The following FARS2 variants were observed in gnomAD, a reference collection of about 807,000 sequenced individuals.
The protein encoded by FARS2 is phenylalanyl-tRNA synthetase 2, mitochondrial, also known as phenylalanine--tRNA ligase, mitochondrial.
Under a neutral mutation model 46.4 loss-of-function variants are expected in FARS2, and 40 were observed. The observed-to-expected ratio is 0.86, with a 90% CI of 0.67 to 1.12. FARS2 has a LOEUF of 1.12. FARS2 is among the 50% of genes most tolerant of loss of function. FARS2 has a pLI of 0.00. For missense variants in FARS2, 513 were observed against 567.9 expected (o/e 0.90, Z 0.98); for synonymous variants, 234 against 214.9 (o/e 1.09, Z -0.78).
At chr6:5,462,952 CT>C (rs1212339321) in intron 4 of FARS2, among the ~76,000 whole-genome samples, 1 of 152,142 alleles carries the variant, frequency 6.6e-6, no homozygotes, top group Non-Finnish European at 1.5e-5. Flanking sequence ...GCTTGGCAAA[CT>C]TTTTTCTGAA....
intron 4 of FARS2, among the ~76,000 whole-genome samples, chr6:5,504,982 A>G (rs200983886): frequency 6.6e-6 from 1 of 152,146 alleles, no homozygotes; most frequent in East Asian, 1.9e-4. Context: ...CGTTTTTTAA[A>G]GAAAGATTTT....
chr6:5,465,948 G>A (rs1347932187), intron 4 of FARS2, among the ~76,000 whole-genome samples: 1 of 152,024 alleles, frequency 6.6e-6, no homozygotes, highest in Non-Finnish European at 1.5e-5. Flanking sequence ...TCCACTGTAG[G>A]AGAATCAATT....
chr6:5,397,380 G>A (rs1581984665), intron 2 of FARS2, among the ~76,000 whole-genome samples: 1 of 152,146 alleles, frequency 6.6e-6, no homozygotes, highest in African/African-American at 2.4e-5. Flanking sequence ...ATGTATGTTC[G>A]ACATTTGTTT....
the FARS2 span, among the ~76,000 whole-genome samples, chr6:5,251,023 G>T: frequency 1.3e-5 from 2 of 152,180 alleles, no homozygotes; most frequent in African/African-American, 2.4e-5. Flanking sequence ...CACTGTTCGG[G>T]CACTATTTCA....
At chr6:5,614,409 G>GTTTTT (rs1775352692) in intron 6 of FARS2, among the ~76,000 whole-genome samples, 1 of 143,056 alleles carries the variant, frequency 7.0e-6, no homozygotes, top group African/African-American at 2.7e-5. Context: ...TTCCTTCTTT[G>GTTTTT]TCTTTTTTTT....
rs1209829674 is a variant in FARS2 at position 5,315,023 on chromosome 6, AG to A, written c.-22+53365del. Among the ~76,000 whole-genome samples, 3 of 152,314 alleles carry A rather than the reference AG, an allele frequency of 2.0e-5. No individual in the cohort carries two copies. In the East Asian group the frequency reaches 5.8e-4, roughly 29 times the overall value. On this transcript the variant is annotated intron_variant, in intron 1 of 6. Transcript: ENST00000274680. The stretch of plus-strand genomic sequence containing the variant: ...TACAAAGCACGCACATTCTGGGTAG[AG>A]GTAATTAGTGGTTGATGATTTTGGT...
At chr6:5,333,817 T>G (rs1770965351) in intron 1 of FARS2, among the ~76,000 whole-genome samples, 2 of 152,292 alleles carry the variant, frequency 1.3e-5, no homozygotes, top group African/African-American at 4.8e-5. Context: ...AGCTCTGCCG[T>G]TGTGCACTTT....
intron 2 of FARS2, among the ~76,000 whole-genome samples, chr6:5,402,669 T>C (rs1761329751): frequency 6.6e-6 from 1 of 152,164 alleles, no homozygotes; most frequent in Non-Finnish European, 1.5e-5. Context: ...CCTTGAATTT[T>C]CTCATTTGCA....
chr6:5,739,796 G>A (rs1761210894), intron 6 of FARS2, among the ~76,000 whole-genome samples: 1 of 152,166 alleles, frequency 6.6e-6, no homozygotes, highest in Non-Finnish European at 1.5e-5. Context: ...GCCGCCACAA[G>A]GTCACACAGC....
chr6:5,312,530 G>A (rs1769151150), intron 1 of FARS2, among the ~76,000 whole-genome samples: 1 of 152,196 alleles, frequency 6.6e-6, no homozygotes. Context: ...AAACTTCAAA[G>A]ATTTAACTCA....
intron 1 of FARS2, among the ~76,000 whole-genome samples, chr6:5,271,327 C>T (rs1290011043): frequency 1.3e-5 from 2 of 152,144 alleles, no homozygotes; most frequent in African/African-American, 2.4e-5. Context: ...CCGTTCATGT[C>T]ACTGGCCCTC....
At chr6:5,338,858 G>T in intron 1 of FARS2, among the ~76,000 whole-genome samples, 1 of 152,066 alleles carries the variant, frequency 6.6e-6, no homozygotes, top group African/African-American at 2.4e-5. Flanking sequence ...GGAACATGCA[G>T]TTTTCTTGCG....
intron 5 of FARS2, among the ~76,000 whole-genome samples, chr6:5,562,409 T>G (rs1772038600): frequency 6.6e-6 from 1 of 152,172 alleles, no homozygotes; most frequent in Non-Finnish European, 1.5e-5. Flanking sequence ...ATCTCTTCTT[T>G]CTGTGGCTTC....
At chr6:5,325,717 A>AT (rs1421017094) in intron 1 of FARS2, among the ~76,000 whole-genome samples, 1 of 152,124 alleles carries the variant, frequency 6.6e-6, no homozygotes, top group Non-Finnish European at 1.5e-5. Context: ...ATTTTAAATG[A>AT]TTTTTTTCTA....
At position 5,545,259 on chromosome 6, in the gene FARS2, T is replaced by C. The variant is rs201390927; in HGVS notation, c.984T>C (p.Asp328=). The C allele has an allele frequency of 8.1e-6, 13 of 1,614,112 alleles. No individual in the cohort carries two copies. The African/African-American group carries it at 1.5e-4, about 18-fold the overall frequency. Residue 328 remains aspartate (D), a synonymous_variant, in exon 5 of 7, where the codon GAT becomes GAC. Coordinates refer to ENST00000274680, the MANE Select transcript of FARS2 (RefSeq NM_006567.5). ...CCATGATCCTCTACGACATCCCTGA[T>C]ATCCGTCTCTTCTGGTGTGAGGACG... ...RLAMILYDIP[D]IRLFWCEDER... is the part of the protein sequence containing the mutation.
intron 1 of FARS2, among the ~76,000 whole-genome samples, chr6:5,324,927 A>G (rs953280861): frequency 1.3e-5 from 2 of 152,076 alleles, no homozygotes; most frequent in South Asian, 2.1e-4. Context: ...GTTGAGAGAC[A>G]TGCCATCCCT....
intron 1 of FARS2, among the ~76,000 whole-genome samples, chr6:5,324,784 T>A (rs1259707647): frequency 1.3e-5 from 2 of 152,114 alleles, no homozygotes; most frequent in Admixed American, 6.5e-5. Flanking sequence ...TGAGTCTCAG[T>A]CCCCTTCTAG....
At chr6:5,329,320 G>A (rs1770626267) in intron 1 of FARS2, among the ~76,000 whole-genome samples, 1 of 152,186 alleles carries the variant, frequency 6.6e-6, no homozygotes, top group Admixed American at 6.5e-5. Context: ...GTTCACAATT[G>A]TGAATGGTGA....
At chr6:5,617,025 A>G (rs1170437578) in intron 6 of FARS2, among the ~76,000 whole-genome samples, 1 of 152,126 alleles carries the variant, frequency 6.6e-6, no homozygotes, top group Non-Finnish European at 1.5e-5. Context: ...GGGAATGCTG[A>G]ATGGGCATGC....
Sources: gnomAD v4.1 joint callset for allele counts (sites outside exome capture counted in the v4.1 genomes callset) on GRCh38, gnomAD v4.1.1 for gene constraint, MANE v1.5 for transcripts, NCBI Gene and HGNC (gene_info 2026-07-23, HGNC 2026-07-21) for gene names.